The following C6orf89 variants were observed in gnomAD, a reference collection of about 807,000 sequenced individuals.
C6orf89 encodes bombesin receptor-activated protein C6orf89.
A neutral mutation model predicts 40.7 loss-of-function variants in C6orf89; 29 were observed. That is an observed-to-expected ratio of 0.71 (90% CI 0.53 to 0.97). The LOEUF (loss-of-function observed/expected upper bound fraction) is 0.97. Among genes scored for constraint, C6orf89 ranks in the 50% least tolerant of loss-of-function variants. The probability of loss-of-function intolerance (pLI) is 0.00; values close to 1 mark genes in which losing one functional copy is unlikely to be tolerated. For synonymous variants in C6orf89, 165 were observed against 152.2 expected (o/e 1.08, Z -0.62); for missense variants, 392 against 429.1 (o/e 0.91, Z 0.76).
chr6:36,902,282 C>G lies in C6orf89; in HGVS notation c.251C>G (p.Pro84Arg). The change falls in exon 4 of 9, where the codon CCA becomes CGA. Residue 84 changes from proline (P) to arginine (R), a missense_variant. Transcript: ENST00000480824. The part of the protein sequence containing the change: ...TAYFVIQPFS[P>R]LAPEPVLSGA... Reference sequence around the variant, plus strand: ...TACTTTGTGATTCAACCTTTCAGCCCATTAGCACCTGAGCCAGTGCTTTCT... The same window carrying G: ...TACTTTGTGATTCAACCTTTCAGCCGATTAGCACCTGAGCCAGTGCTTTCT... The G allele has an allele frequency of 6.2e-7, 1 of 1,614,122 alleles. No homozygotes were observed. Among genetic ancestry groups the G allele is most frequent in the Non-Finnish European group, 8.5e-7 (1 of 1,180,036 alleles).
At chr6:36,918,598 A>C (rs1219739142) in intron 7 of C6orf89, among the ~76,000 whole-genome samples, 1 of 152,154 alleles carries the variant, frequency 6.6e-6, no homozygotes, top group African/African-American at 2.4e-5. Context: ...AGAGAAAACC[A>C]AGACATGGCC....
chr6:36,899,796 G>A (rs1489025715), intron 3 of C6orf89, among the ~76,000 whole-genome samples, 163 bp downstream of exon 3: 1 of 152,178 alleles, frequency 6.6e-6, no homozygotes, highest in Non-Finnish European at 1.5e-5. Context: ...ATTTGACTGT[G>A]TTGTTAAAGG....
At chr6:36,892,374 C>T (rs1255435832) in intron 1 of C6orf89, among the ~76,000 whole-genome samples, 1 of 152,134 alleles carries the variant, frequency 6.6e-6, no homozygotes, top group African/African-American at 2.4e-5. Context: ...CTGTGTTGCC[C>T]AGCCGGGAGT....
intron 8 of C6orf89, among the ~76,000 whole-genome samples, chr6:36,922,233 G>A (rs1229805263): frequency 2.0e-5 from 3 of 151,980 alleles, no homozygotes; most frequent in East Asian, 1.9e-4. Flanking sequence ...CCAGCTACTC[G>A]GGAGGCTGAG....
At chr6:36,909,882 G>A (rs1403946178) in intron 4 of C6orf89, among the ~76,000 whole-genome samples, 3 of 151,706 alleles carry the variant, frequency 2.0e-5, no homozygotes, top group African/African-American at 7.3e-5. Flanking sequence ...GGTCAAATCT[G>A]TCCATTTTTC....
intron 1 of C6orf89, among the ~76,000 whole-genome samples, chr6:36,889,004 A>G (rs1775096382): frequency 6.6e-6 from 1 of 152,214 alleles, no homozygotes; most frequent in African/African-American, 2.4e-5. Flanking sequence ...CGTGTCTGGT[A>G]GGCAGGTAGA....
At chr6:36,902,551 A>G in intron 4 of C6orf89, 117 bp downstream of exon 4, 1 of 853,752 alleles carries the variant, frequency 1.2e-6, no homozygotes, top group Non-Finnish European at 1.8e-6. Flanking sequence ...TGTATCTTTT[A>G]ATTCAGTCCC....
At chr6:36,902,863 T>G (rs1761775854) in intron 4 of C6orf89, among the ~76,000 whole-genome samples, 1 of 152,232 alleles carries the variant, frequency 6.6e-6, no homozygotes, top group Non-Finnish European at 1.5e-5. Flanking sequence ...CTTGGCCTAT[T>G]GGGCTAGGTT....
chr6:36,878,609 C>G (rs1434831591), intron 1 of C6orf89, among the ~76,000 whole-genome samples: 2 of 152,160 alleles, frequency 1.3e-5, no homozygotes, highest in Non-Finnish European at 2.9e-5. Flanking sequence ...CTGAGAAGGG[C>G]TTTGTACTTC....
chr6:36,879,545 G>A (rs369302806), intron 2 of C6orf89, among the ~76,000 whole-genome samples: 1 of 152,082 alleles, frequency 6.6e-6, no homozygotes, highest in African/African-American at 2.4e-5. Flanking sequence ...TGAATGAATG[G>A]TAAAAATCAC....
At chr6:36,889,370 A>G (rs182012150) in intron 1 of C6orf89, among the ~76,000 whole-genome samples, 85 of 152,358 alleles carry the variant, frequency 5.6e-4, no homozygotes, top group African/African-American at 2.0e-3. Context: ...GAGAAACAAG[A>G]AAGTGTGTTA....
chr6:36,883,037 C>A (rs1774868692), upstream of C6orf89, among the ~76,000 whole-genome samples: 2 of 152,204 alleles, frequency 1.3e-5, no homozygotes, highest in African/African-American at 4.8e-5. Flanking sequence ...CCGCGCCCGG[C>A]CTGAATTGTC....
intron 1 of C6orf89, among the ~76,000 whole-genome samples, chr6:36,892,255 G>A (rs965162642): frequency 2.6e-5 from 4 of 152,188 alleles, no homozygotes; most frequent in African/African-American, 9.7e-5. Context: ...GGAGGGGTAG[G>A]AGGAGGTTCT....
intron 1 of C6orf89, chr6:36,874,794 C>T: frequency 6.2e-7 from 1 of 1,613,466 alleles, no homozygotes; most frequent in Middle Eastern, 1.7e-4. Flanking sequence ...CGGCGGAATG[C>T]TTGTCTAGTA....
At position 36,899,146 on chromosome 6, in the gene C6orf89, T is replaced by C. The variant is rs79604474; in HGVS notation, c.-19-280T>C. ...TGCTTCAGAGTCCCATTAGGATATA[T>C]TGTGCTCTAGACCAGTGCTCCTCAG... On this transcript the variant is annotated intron_variant, in intron 2 of 8. Coordinates refer to ENST00000480824, the MANE Select transcript of C6orf89 (RefSeq NM_001286635.2). Among the ~76,000 whole-genome samples the C allele has an allele frequency of 7.2e-3, 1,095 of 152,320 alleles. 11 individuals carry two copies. The highest frequency in any genetic ancestry group is 0.037 in the Middle Eastern group (11 of 294).
chr6:36,876,334 C>G (rs1453304504), intron 1 of C6orf89, among the ~76,000 whole-genome samples: 2 of 152,156 alleles, frequency 1.3e-5, no homozygotes, highest in Non-Finnish European at 2.9e-5. Context: ...AGATGAGTCT[C>G]ACACACACAG....
chr6:36,911,316 CCT>C (rs1561871489), intron 4 of C6orf89, among the ~76,000 whole-genome samples: 1 of 152,034 alleles, frequency 6.6e-6, no homozygotes, highest in African/African-American at 2.4e-5. Flanking sequence ...ATGGTGAAAC[CCT>C]GTCTCTACTA....
chr6:36,880,166 T>C (rs1774765858), intron 2 of C6orf89, among the ~76,000 whole-genome samples: 2 of 152,218 alleles, frequency 1.3e-5, no homozygotes, highest in Non-Finnish European at 2.9e-5. Context: ...CCATTTGGCC[T>C]GGGTAAAATC....
chr6:36,923,409 A>G lies in C6orf89; in HGVS notation c.1012A>G (p.Ile338Val). 1 of 1,614,168 alleles carries G rather than the reference A, an allele frequency of 6.2e-7. No individual in the cohort carries two copies. Among genetic ancestry groups the G allele is most frequent in the Non-Finnish European group, 8.5e-7 (1 of 1,179,978 alleles). ...VIARGVQPLV[I>V]CDGTAFSEL ...AGCCAGAGGGGTCCAGCCTTTGGTCATCTGCGATGGAACCGCTTTCTCAGA... is the reference window on the plus strand; with the variant it reads ...AGCCAGAGGGGTCCAGCCTTTGGTCGTCTGCGATGGAACCGCTTTCTCAGA... Residue 338 changes from isoleucine (I) to valine (V), a missense_variant, in exon 9 of 9, where the codon ATC becomes GTC. By Grantham distance (29) the Ile-to-Val change is conservative. Coordinates refer to ENST00000480824, the MANE Select transcript of C6orf89 (RefSeq NM_001286635.2).
Sources: allele counts gnomAD v4.1 joint callset (sites outside exome capture counted in the v4.1 genomes callset), GRCh38; gene constraint gnomAD v4.1.1; transcripts MANE v1.5; gene names NCBI Gene and HGNC (gene_info 2026-07-23, HGNC 2026-07-21).